Variants in PLEKHH1 observed in about 807,000 individuals in gnomAD.
The protein encoded by PLEKHH1 is pleckstrin homology, MyTH4 and FERM domain containing H1, also known as pleckstrin homology domain-containing family H member 1.
A neutral mutation model predicts 160.0 loss-of-function variants in PLEKHH1; 104 were observed. That is an observed-to-expected ratio of 0.65 (90% CI 0.55 to 0.76). The LOEUF is 0.76. Ranked by LOEUF, PLEKHH1 falls within the 30% of genes least tolerant of loss-of-function variation. The pLI is 0.00. For missense variants in PLEKHH1, 1,427 were observed against 1,724.1 expected (o/e 0.83, Z 3.05); for synonymous variants, 619 against 678.4 (o/e 0.91, Z 1.36).
At chr14:67,575,648 C>T (rs2035592460) in intron 15 of PLEKHH1, 175 bp from the exon 16 acceptor site, 1 of 700,262 alleles carries the variant, frequency 1.4e-6, no homozygotes, top group Non-Finnish European at 2.5e-6. Flanking sequence ...TGGTGCTTCT[C>T]CAAGCAAGCC....
intron 2 of PLEKHH1, among the ~76,000 whole-genome samples, chr14:67,543,572 G>A (rs1003918740): frequency 1.3e-5 from 2 of 152,130 alleles, no homozygotes; most frequent in Non-Finnish European, 2.9e-5. Flanking sequence ...GAAGTCTCCT[G>A]GGGGGTTGCT....
chr14:67,540,924 TCTGAGTGAATTCCC>T (rs1159744353), intron 1 of PLEKHH1, among the ~76,000 whole-genome samples: 1 of 152,214 alleles, frequency 6.6e-6, no homozygotes, highest in African/African-American at 2.4e-5. Flanking sequence ...CCAGAAGGCA[TCTGAGTGAATTCCC>T]CTGGCTGGAC....
At chr14:67,580,040 G>A (rs2035818195) in intron 22 of PLEKHH1, 164 bp downstream of exon 22, 3 of 639,642 alleles carry the variant, frequency 4.7e-6, no homozygotes, top group Admixed American at 3.0e-5. Context: ...AAATGTACCT[G>A]GGCAGGGAGA....
rs1298409158 is a variant in PLEKHH1 at position 67,588,583 on chromosome 14, CCT to C, written c.*1351_*1352del. 6.6e-6 allele frequency: 1 copy of C among 152,064 alleles called. No homozygotes were observed. Among genetic ancestry groups the C allele is most frequent in the Non-Finnish European group, 1.5e-5 (1 of 68,022 alleles). 9.4% of individuals were successfully genotyped at this position (152,064 alleles called of 1,614,324 possible). A position where few individuals can be genotyped will look rare whatever the true frequency, so the allele number is the denominator to read the frequency against. On this transcript the variant is annotated 3_prime_UTR_variant, in exon 29 of 29. Coordinates refer to ENST00000329153, the MANE Select transcript of PLEKHH1 (RefSeq NM_020715.3). ...GAGTGCAGAGGAGACTAGACAGTCT[CCT>C]CTAGACAGGTTGTAGACACACCCTC...
rs553444925 is a variant in PLEKHH1 at position 67,574,028 on chromosome 14, A to T, written c.1926+141A>T. The T allele has an allele frequency of 1.4e-6, 1 of 711,876 alleles. No individual in the cohort carries two copies. Among genetic ancestry groups the T allele is most frequent in the East Asian group, 2.7e-5 (1 of 37,428 alleles). 44.1% of individuals were successfully genotyped at this position (711,876 alleles called of 1,614,324 possible). On this transcript the variant is annotated intron_variant, in intron 13 of 28. Coordinates refer to ENST00000329153, the MANE Select transcript of PLEKHH1 (RefSeq NM_020715.3). This position sits in a 1 kb window ranked among gnomAD's most constrained non-coding sequence, Gnocchi z 4.2. ...CATTTGGACGTGATCCTAACTTGTG[A>T]GTACAAGAAAGGAAGATGAGACAGA...
intron 1 of PLEKHH1, among the ~76,000 whole-genome samples, chr14:67,536,039 T>C (rs968521356): frequency 3.3e-5 from 5 of 152,236 alleles, no homozygotes; most frequent in African/African-American, 1.2e-4. Context: ...CCCAGGCCTG[T>C]CAGTGCCAGA....
chr14:67,585,550 TTG>T lies in PLEKHH1; in HGVS notation c.3700-16_3700-15del. The T allele has an allele frequency of 1.3e-6, 2 of 1,529,148 alleles. No individual in the cohort carries two copies. The highest frequency in any genetic ancestry group is 1.8e-6 in the Non-Finnish European group (2 of 1,122,076). The allele number at this position is 1,529,148 out of a possible 1,614,324, so 94.7% of individuals were successfully genotyped here. On this transcript the variant is annotated splice_polypyrimidine_tract_variant and intron_variant, in intron 26 of 28. Transcript: ENST00000329153. ...TCTAACTATGGATATATCTGATGGG[TTG>T]TTTCTGTTTCCCCAGCCTGCCCAGC...
At chr14:67,572,083 G>C in intron 10 of PLEKHH1, 52 bp from the exon 11 acceptor site, 1 of 1,567,086 alleles carries the variant, frequency 6.4e-7, no homozygotes, top group Non-Finnish European at 8.7e-7. Flanking sequence ...CCTGGGCTGC[G>C]TGAGTCGGGG....
rs375627497 is a variant in PLEKHH1, at chr14:67,579,251, C to G, written c.2967C>G (p.Asn989Lys). The G allele has an allele frequency of 6.2e-7, 1 of 1,602,260 alleles. No homozygotes were observed. Among genetic ancestry groups the G allele is most frequent in the African/African-American group, 1.3e-5 (1 of 74,512 alleles). The change falls in exon 21 of 29, where the codon AAC (asparagine) becomes AAG (lysine). Residue 989 changes from asparagine to lysine, a missense_variant. Coordinates refer to ENST00000329153, the MANE Select transcript of PLEKHH1 (RefSeq NM_020715.3). Reference sequence around the variant, plus strand: ...AAGTGGTGTCCATCCTGCTGCGTAACCCCTTCCACCACTCCTTGCCCTTCA... The same window carrying G: ...AAGTGGTGTCCATCCTGCTGCGTAAGCCCTTCCACCACTCCTTGCCCTTCA... ...RMEVVSILLR[N>K]PFHHSLPFSI...
At chr14:67,577,900 C>T in intron 18 of PLEKHH1, 123 bp from the exon 19 acceptor site, 1 of 812,244 alleles carries the variant, frequency 1.2e-6, no homozygotes, top group Non-Finnish European at 2.0e-6. Flanking sequence ...GCAGTGCTCC[C>T]TCTTAGAAAG....
intron 7 of PLEKHH1, among the ~76,000 whole-genome samples, chr14:67,567,140 G>A (rs907261583): frequency 7.1e-5 from 8 of 112,874 alleles, no homozygotes; most frequent in Non-Finnish European, 1.2e-4. Flanking sequence ...ATGATCACTC[G>A]TGTTCCGTGT....
At chr14:67,558,429 CTGAAAATTGA>C (rs1046908874) in intron 4 of PLEKHH1, among the ~76,000 whole-genome samples, 19 of 152,116 alleles carry the variant, frequency 1.2e-4, no homozygotes, top group Admixed American at 8.5e-4. Flanking sequence ...CCATGTGCTC[CTGAAAATTGA>C]TGGAAGAATA....
At chr14:67,581,274 GCACA>G (rs71129838) in intron 23 of PLEKHH1, among the ~76,000 whole-genome samples, 4,335 of 148,058 alleles carry the variant, frequency 0.029, 152 homozygotes, top group East Asian at 0.12. Flanking sequence ...GTGTGTATAT[GCACA>G]CACACACACA....
chr14:67,571,034 T>A (rs2035349175), intron 9 of PLEKHH1: 1 of 152,274 alleles, frequency 6.6e-6, no homozygotes, highest in African/African-American at 2.4e-5. Flanking sequence ...TACCTCCTCC[T>A]TCTATAGGTG....
In PLEKHH1 at chr14:67,555,854, G is replaced by A. The variant is rs528996610; in HGVS notation, c.156G>A (p.Glu52=). Residue 52 remains glutamate, a synonymous_variant, in exon 3 of 29, where the codon GAG becomes GAA. Coordinates refer to ENST00000329153, the MANE Select transcript of PLEKHH1 (RefSeq NM_020715.3). ...KMQELEQRLL[E]AEQRAENAET... is the part of the protein sequence containing the mutation. ...AGGAGCTGGAGCAGAGGCTGCTGGA[G>A]GCAGAGCAGAGAGCAGAGAACGCTG... The A allele has an allele frequency of 2.8e-5, 45 of 1,613,568 alleles. No homozygotes were observed. In the East Asian group the frequency reaches 9.6e-4, roughly 34 times the overall value.
intron 23 of PLEKHH1, 156 bp from the exon 24 acceptor site, chr14:67,581,913 C>T (rs1419008601): frequency 5.9e-6 from 4 of 678,836 alleles, no homozygotes; most frequent in Admixed American, 2.8e-5. Flanking sequence ...GTGTCATACT[C>T]GGTTATATGT....
At chr14:67,565,420 T>G (rs2035044088) in intron 7 of PLEKHH1, among the ~76,000 whole-genome samples, 1 of 152,066 alleles carries the variant, frequency 6.6e-6, no homozygotes, top group Non-Finnish European at 1.5e-5. Context: ...ATTTTTTAAA[T>G]TTTTTGTAGG....
At position 67,561,122 on chromosome 14, in the gene PLEKHH1, G is replaced by T. The variant is rs557955531; in HGVS notation, c.424-832G>T. ...ATTTGGCCTCCTATCCCCTTCTTTG[G>T]ATGTACATCTCAGGTCACCTGCTAG... On this transcript the variant is annotated intron_variant, in intron 5 of 28. Transcript: ENST00000329153. Among the ~76,000 whole-genome samples, 3 of 152,288 alleles carry T rather than the reference G, an allele frequency of 2.0e-5. No individual in the cohort carries two copies. In the East Asian group the frequency reaches 5.8e-4, roughly 29 times the overall value.
Position 67,578,112 on chromosome 14 carries a change from G to T in PLEKHH1, c.2664G>T (p.Leu888=), listed in dbSNP as rs2035712429. The T allele has an allele frequency of 1.2e-6, 2 of 1,613,928 alleles. No individual in the cohort carries two copies. Among genetic ancestry groups the T allele is most frequent in the Middle Eastern group, 3.3e-4 (2 of 6,062 alleles). The change falls in exon 19 of 29, where the codon CTG becomes CTT. Residue 888 remains leucine, a synonymous_variant. Coordinates refer to ENST00000329153, the MANE Select transcript of PLEKHH1 (RefSeq NM_020715.3). The surrounding 1 kb of genome is among the most constrained non-coding windows in gnomAD (Gnocchi z 5.0). ...SLAQTALQVC[L]VHPELQSEIY... Reference sequence around the variant, plus strand: ...CCCAGACCGCACTGCAGGTCTGCCTGGTTCACCCCGAGCTGCAGAGTGAGA... The same window carrying T: ...CCCAGACCGCACTGCAGGTCTGCCTTGTTCACCCCGAGCTGCAGAGTGAGA...
Sources: gnomAD v4.1 joint callset for allele counts (sites outside exome capture counted in the v4.1 genomes callset) on GRCh38, gnomAD v4.1.1 for gene constraint, Gnocchi (gnomAD v3.1) non-coding constraint, MANE v1.5 for transcripts, NCBI Gene and HGNC (gene_info 2026-07-23, HGNC 2026-07-21) for gene names.